Variants in TRMT11 observed in about 807,000 individuals in gnomAD.
The protein encoded by TRMT11 is tRNA (guanine(10)-N(2))-methyltransferase TRMT11.
TRMT11 carries 53 observed loss-of-function variants against 62.8 expected under a neutral mutation model. The observed-to-expected ratio is 0.84, with a 90% CI of 0.68 to 1.06. TRMT11 has a LOEUF of 1.06. Among genes scored for constraint, TRMT11 ranks in the 50% least tolerant of loss-of-function variants. The pLI is 0.00. For missense variants in TRMT11, 556 were observed against 553.4 expected, an observed-to-expected ratio of 1.00 and a Z score of -0.05; for synonymous variants, 188 against 190.3, an observed-to-expected ratio of 0.99 and a Z score of 0.10.
At chr6:126,086,424 T>A (rs1214120409) in intron 17 of TRMT11, among the ~76,000 whole-genome samples, 1 of 152,164 alleles carries the variant, frequency 6.6e-6, no homozygotes, top group East Asian at 1.9e-4. Context: ...CCTATCCTTA[T>A]CAAGTCATTC....
chr6:126,112,667 A>G (rs1039212454), intron 17 of TRMT11, among the ~76,000 whole-genome samples: 2 of 152,030 alleles, frequency 1.3e-5, no homozygotes, highest in African/African-American at 4.8e-5. Flanking sequence ...ATTATCCTGC[A>G]TTTTTGCTTG....
chr6:126,073,326 G>A (rs1475666530), intron 17 of TRMT11, among the ~76,000 whole-genome samples: 2 of 152,150 alleles, frequency 1.3e-5, no homozygotes, highest in African/African-American at 4.8e-5. Context: ...ACTACAATGA[G>A]AGACTACCAA....
chr6:126,006,598 CT>C (rs11434290), intron 7 of TRMT11, among the ~76,000 whole-genome samples: 57 of 147,072 alleles, frequency 3.9e-4, no homozygotes, highest in African/African-American at 8.7e-4. Context: ...CTTCACTCTC[CT>C]TTTTTTTTTA....
intron 17 of TRMT11, among the ~76,000 whole-genome samples, chr6:126,071,851 T>A (rs769156555): frequency 6.6e-6 from 1 of 152,160 alleles, no homozygotes; most frequent in Non-Finnish European, 1.5e-5. Flanking sequence ...TTAACATGGA[T>A]CAGAATCATC....
chr6:126,201,595 G>A (rs931200083), intron 3 of TRMT11, among the ~76,000 whole-genome samples: 1 of 152,152 alleles, frequency 6.6e-6, no homozygotes, highest in Non-Finnish European at 1.5e-5. Context: ...ATTTCACAGA[G>A]CCCTCTATCC....
chr6:126,103,880 A>C (rs1308790505), intron 17 of TRMT11, among the ~76,000 whole-genome samples: 1 of 152,174 alleles, frequency 6.6e-6, no homozygotes, highest in Non-Finnish European at 1.5e-5. Flanking sequence ...GATTGGAAGC[A>C]AGTCACAAGT....
intron 1 of TRMT11, among the ~76,000 whole-genome samples, chr6:126,193,488 G>GTTTTTTTTTGTT (rs1778627491): frequency 8.5e-6 from 1 of 118,140 alleles, no homozygotes; most frequent in African/African-American, 3.7e-5. Flanking sequence ...GAGCGTTTCT[G>GTTTTTTTTTGTT]TATTTTTTTT....
At chr6:126,227,433 G>T in the TRMT11 span, among the ~76,000 whole-genome samples, 21 of 152,288 alleles carry the variant, frequency 1.4e-4, no homozygotes, top group East Asian at 3.9e-3. Context: ...AAATCAGCCA[G>T]AGAGATACAT....
rs146508203 is a variant in TRMT11 at position 126,016,371 on chromosome 6, C to T, written c.1139+3270C>T. On this transcript the variant is annotated intron_variant, in intron 11 of 12. Coordinates refer to ENST00000334379, the MANE Select transcript of TRMT11 (RefSeq NM_001031712.3). ...CAGTGGGAGTTTGTTTGAGCTGGCT[C>T]TTCTGTCCTTTTGAAATATCCTCAG... is the stretch of plus-strand genomic sequence containing the variant. Among the ~76,000 whole-genome samples, 109 of 152,292 alleles carry T rather than the reference C, an allele frequency of 7.2e-4. 2 individuals are homozygous for T. The East Asian group carries it at 0.02, about 27-fold the overall frequency.
intron 21 of TRMT11, among the ~76,000 whole-genome samples, chr6:126,120,616 C>T (rs1224031039): frequency 1.3e-5 from 2 of 152,074 alleles, no homozygotes; most frequent in Non-Finnish European, 2.9e-5. Flanking sequence ...GGCTGTAATT[C>T]TATATAAAAT....
At chr6:126,041,547 CATA>C (rs1451599038), downstream of TRMT11, among the ~76,000 whole-genome samples, 1 of 152,052 alleles carries the variant, frequency 6.6e-6, no homozygotes, top group Non-Finnish European at 1.5e-5. Flanking sequence ...TGGAATAAAA[CATA>C]ATGTTTCTCT....
chr6:126,102,539 C>G (rs893705403), intron 17 of TRMT11, among the ~76,000 whole-genome samples: 5 of 131,608 alleles, frequency 3.8e-5, no homozygotes, highest in Admixed American at 7.0e-5. Context: ...TAAACAAGCC[C>G]TTTGTTCTCA....
chr6:126,094,837 C>T (rs1434627455), intron 17 of TRMT11, among the ~76,000 whole-genome samples: 1 of 152,184 alleles, frequency 6.6e-6, no homozygotes, highest in Admixed American at 6.5e-5. Flanking sequence ...AAAGAACTCT[C>T]ATATGTGTTA....
the TRMT11 span, among the ~76,000 whole-genome samples, chr6:126,263,645 C>A: frequency 2.2e-3 from 328 of 152,234 alleles, no homozygotes; most frequent in Non-Finnish European, 3.2e-3. Flanking sequence ...GCTGCTGATC[C>A]CAAACTTTAT....
chr6:126,079,390 G>A (rs1396470014), intron 17 of TRMT11, among the ~76,000 whole-genome samples: 1 of 152,118 alleles, frequency 6.6e-6, no homozygotes, highest in East Asian at 1.9e-4. Flanking sequence ...CAGCTTCCAA[G>A]GCATGAGGAG....
intron 17 of TRMT11, among the ~76,000 whole-genome samples, chr6:126,078,006 G>C (rs1302204109): frequency 2.0e-5 from 3 of 152,080 alleles, no homozygotes; most frequent in Non-Finnish European, 4.4e-5. Context: ...TGGGAATATG[G>C]GTAGCTCTGT....
chr6:126,064,657 C>A (rs1186199012), intron 17 of TRMT11, among the ~76,000 whole-genome samples: 1 of 152,056 alleles, frequency 6.6e-6, no homozygotes, highest in South Asian at 2.1e-4. Context: ...ACGCCCAAAC[C>A]ATAAAGTGCA....
At chr6:126,064,021 C>T (rs894529608) in intron 17 of TRMT11, among the ~76,000 whole-genome samples, 2 of 152,156 alleles carry the variant, frequency 1.3e-5, no homozygotes, top group African/African-American at 2.4e-5. Context: ...TGGCATCTTA[C>T]ATTTCTGAAG....
chr6:126,084,634 G>A (rs922252808), intron 17 of TRMT11, among the ~76,000 whole-genome samples: 10 of 152,034 alleles, frequency 6.6e-5, no homozygotes, highest in Admixed American at 5.2e-4. Context: ...AAAAATCATT[G>A]CCAAGGCCAA....
Sources: gnomAD v4.1 joint callset for allele counts (sites outside exome capture counted in the v4.1 genomes callset) on GRCh38, gnomAD v4.1.1 for gene constraint, MANE v1.5 for transcripts, NCBI Gene and HGNC (gene_info 2026-07-23, HGNC 2026-07-21) for gene names.